NFX1: variants seen among roughly 807,000 people sequenced by gnomAD.
NFX1 encodes nuclear transcription factor, X-box binding 1, also known as transcriptional repressor NF-X1.
In NFX1, 69 loss-of-function variants were observed where a neutral mutation model predicts 137.2. That is an observed-to-expected ratio of 0.50 (90% CI 0.41 to 0.61). The LOEUF (loss-of-function observed/expected upper bound fraction) is 0.61. Ranked by LOEUF, NFX1 falls within the 20% of genes least tolerant of loss-of-function variation. The probability of loss-of-function intolerance (pLI) is 0.00; values close to 1 mark genes in which losing one functional copy is unlikely to be tolerated. For synonymous variants in NFX1, 495 were observed against 474.1 expected (o/e 1.04, Z -0.57); for missense variants, 1,167 against 1,391.0 (o/e 0.84, Z 2.56).
At chr9:33,311,470 G>T (rs1403509906) in intron 6 of NFX1, among the ~76,000 whole-genome samples, 2 of 152,060 alleles carry the variant, frequency 1.3e-5, no homozygotes, top group Non-Finnish European at 2.9e-5. Context: ...ACCCTATTTT[G>T]TAATCTTATA....
intron 2 of NFX1, among the ~76,000 whole-genome samples, chr9:33,297,329 A>C (rs1821393015): frequency 6.6e-6 from 1 of 152,200 alleles, no homozygotes. Flanking sequence ...ACCAGCCTAT[A>C]GTTCTAGTTT....
In NFX1 at chr9:33,336,007, G is replaced by C. The variant is rs572119143; in HGVS notation, c.2036-2503G>C. On this transcript the variant is annotated intron_variant, in intron 11 of 23. Coordinates refer to ENST00000379540, the MANE Select transcript of NFX1 (RefSeq NM_002504.6). ...TGCTGTTATGAACATTTGTATACAA[G>C]TTTTTGTTCCAATACCTATTTTCAT... is the stretch of plus-strand genomic sequence containing the variant. Among the ~76,000 whole-genome samples, 3 of 152,236 alleles carry C rather than the reference G, an allele frequency of 2.0e-5. 1 individual carries two copies. Among genetic ancestry groups the C allele is most frequent in the African/African-American group, 7.2e-5 (3 of 41,550 alleles).
At chr9:33,362,121 C>CAAA (rs1365074653) in intron 19 of NFX1, among the ~76,000 whole-genome samples, 1 of 65,712 alleles carries the variant, frequency 1.5e-5, no homozygotes, top group Admixed American at 1.7e-4. Flanking sequence ...GACCCAGCCT[C>CAAA]AAAAAAAAAA....
rs180753204 is a variant in NFX1, at chr9:33,337,278, A to C, written c.2036-1232A>C. Among the ~76,000 whole-genome samples, 374 of 152,248 alleles carry C rather than the reference A, an allele frequency of 2.5e-3. 3 individuals carry two copies. The highest frequency in any genetic ancestry group is 1.2e-3 in the East Asian group (6 of 5,188). ...AACATGTACAAAATTTTTTCTCATC[A>C]TTTTCTAATAGCATTTACATTATAT... On this transcript the variant is annotated intron_variant, in intron 11 of 23. Transcript: ENST00000379540.
At position 33,364,914 on chromosome 9, in the gene NFX1, C is replaced by T. The variant is rs372329555; in HGVS notation, c.3039+140C>T. The stretch of plus-strand genomic sequence containing the variant: ...AACTTCTTTGAGGATCCTTATCTTT[C>T]TCAAAACACAGCCATTATAACATCT... On this transcript the variant is annotated intron_variant, in intron 21 of 23. Transcript: ENST00000379540. The T allele has an allele frequency of 2.4e-5, 36 of 1,476,980 alleles. 1 individual carries two copies. The African/African-American group carries it at 3.1e-4, about 13-fold the overall frequency. 91.5% of individuals were successfully genotyped at this position (1,476,980 alleles called of 1,614,324 possible).
intron 7 of NFX1, among the ~76,000 whole-genome samples, chr9:33,317,941 A>C (rs1433321430): frequency 1.7e-5 from 2 of 120,684 alleles, no homozygotes; most frequent in East Asian, 5.6e-4. Flanking sequence ...ATGCCATTGC[A>C]CTCCAGCCTG....
At chr9:33,318,308 C>T (rs1822250832) in intron 7 of NFX1, among the ~76,000 whole-genome samples, 1 of 152,118 alleles carries the variant, frequency 6.6e-6, no homozygotes, top group Non-Finnish European at 1.5e-5. Flanking sequence ...TCAACTCCTC[C>T]ACCACTACTA....
intron 10 of NFX1, 80 bp from the exon 11 acceptor site, chr9:33,332,392 G>A: frequency 7.5e-7 from 1 of 1,338,368 alleles, no homozygotes; most frequent in Non-Finnish European, 1.1e-6. Context: ...GGATATTCTT[G>A]TTACCTATGG....
intron 16 of NFX1, among the ~76,000 whole-genome samples, chr9:33,352,114 G>T (rs1823658234): frequency 6.6e-6 from 1 of 152,194 alleles, no homozygotes; most frequent in Non-Finnish European, 1.5e-5. Flanking sequence ...AGTATGAGGT[G>T]CTAGGGATAA....
At chr9:33,338,871 C>T (rs1823112395) in intron 12 of NFX1, among the ~76,000 whole-genome samples, 1 of 152,112 alleles carries the variant, frequency 6.6e-6, no homozygotes, top group East Asian at 1.9e-4. Flanking sequence ...GCCCAAGACC[C>T]CTAGATGAGC....
intron 4 of NFX1, among the ~76,000 whole-genome samples, chr9:33,303,854 A>C (rs1383476974): frequency 1.3e-5 from 2 of 151,952 alleles, no homozygotes; most frequent in Non-Finnish European, 2.9e-5. Flanking sequence ...CCTGCCTTTT[A>C]ATGACTAACT....
intron 7 of NFX1, among the ~76,000 whole-genome samples, chr9:33,317,427 AAAAAAAAAG>A (rs1308569223): frequency 1.3e-5 from 2 of 150,156 alleles, no homozygotes; most frequent in East Asian, 2.0e-4. Context: ...TCCAAAAAAA[AAAAAAAAAG>A]AAAGAAAGAA....
At chr9:33,361,473 CTTAAAA>C (rs1823987614) in intron 19 of NFX1, among the ~76,000 whole-genome samples, 2 of 151,922 alleles carry the variant, frequency 1.3e-5, no homozygotes, top group South Asian at 4.2e-4. Context: ...AATGGCGGTA[CTTAAAA>C]TTATAGAGAA....
chr9:33,343,404 A>G lies in NFX1; in HGVS notation c.2224+550A>G, dbSNP rs530449066. 3.3e-5 allele frequency among the ~76,000 whole-genome samples: 5 copies of G among 152,344 alleles called. No individual in the cohort carries two copies. The East Asian group carries it at 5.8e-4, about 18-fold the overall frequency. Reference sequence around the variant, plus strand: ...AAGTAGAATAGCGGATACTTGGTTTAATAGAAGGTAGCTGGATTCTTGTAT... The same window carrying G: ...AAGTAGAATAGCGGATACTTGGTTTGATAGAAGGTAGCTGGATTCTTGTAT... On this transcript the variant is annotated intron_variant, in intron 13 of 23. Coordinates refer to ENST00000379540, the MANE Select transcript of NFX1 (RefSeq NM_002504.6).
chr9:33,308,253 GCAA>G (rs781641100), intron 5 of NFX1, among the ~76,000 whole-genome samples: 10 of 152,188 alleles, frequency 6.6e-5, no homozygotes, highest in Admixed American at 2.6e-4. Flanking sequence ...ACCAGACTAG[GCAA>G]CAAAATGAGA....
At chr9:33,343,999 G>GTGTGTTAGTA in intron 13 of NFX1, 70 bp from the exon 14 acceptor site, 1 of 1,593,320 alleles carries the variant, frequency 6.3e-7, no homozygotes, top group Non-Finnish European at 8.6e-7. Context: ...GTGTGTTTGT[G>GTGTGTTAGTA]TGTGTTAGTA....
intron 5 of NFX1, among the ~76,000 whole-genome samples, chr9:33,310,516 A>G (rs766496359): frequency 6.6e-6 from 1 of 152,194 alleles, no homozygotes; most frequent in Non-Finnish European, 1.5e-5. Context: ...ATTCTGACCT[A>G]TAGCATATCA....
intron 15 of NFX1, chr9:33,348,495 TAAG>T (rs1823516657): frequency 1.7e-5 from 2 of 115,882 alleles, no homozygotes; most frequent in South Asian, 5.8e-4. Context: ...ACTATTGAAA[TAAG>T]AAAAAAGAAA....
intron 11 of NFX1, among the ~76,000 whole-genome samples, chr9:33,334,567 G>A (rs1312287379): frequency 6.6e-6 from 1 of 152,126 alleles, no homozygotes; most frequent in Non-Finnish European, 1.5e-5. Context: ...CCCTCTAATA[G>A]TAGTTTGTTA....
Sources: allele counts gnomAD v4.1 joint callset (sites outside exome capture counted in the v4.1 genomes callset), GRCh38; gene constraint gnomAD v4.1.1; transcripts MANE v1.5; gene names NCBI Gene and HGNC (gene_info 2026-07-23, HGNC 2026-07-21).